The following NCKAP5 variants were observed in gnomAD, a reference collection of about 807,000 sequenced individuals.
NCKAP5 encodes NCK associated protein 5, also known as nck-associated protein 5.
NCKAP5 carries 92 observed loss-of-function variants against 167.0 expected under a neutral mutation model. That is an observed-to-expected ratio of 0.55 (90% CI 0.47 to 0.66). NCKAP5 has a LOEUF of 0.66. NCKAP5 is among the 30% of genes least tolerant of loss of function. The probability of loss-of-function intolerance (pLI) is 0.00; values close to 1 mark genes in which losing one functional copy is unlikely to be tolerated. For missense variants in NCKAP5, 2,378 were observed against 2,315.0 expected (o/e 1.03, Z -0.56); for synonymous variants, 891 against 877.4 (o/e 1.02, Z -0.27).
At chr2:132,985,182 A>C (rs1346981291) in intron 7 of NCKAP5, among the ~76,000 whole-genome samples, 1 of 152,062 alleles carries the variant, frequency 6.6e-6, no homozygotes, top group East Asian at 1.9e-4. Context: ...TTACTTGGTT[A>C]AGAACTCGGT....
chr2:133,101,025 T>G lies in NCKAP5; in HGVS notation c.341+28953A>C, dbSNP rs570877542. On this transcript the variant is annotated intron_variant, in intron 6 of 19. Transcript: ENST00000409261. ...TGCCTAGGTTTTCTTCTAGGGTTTTTATGGTTTTAGGTCTAACGTTTAAAC... is the reference window on the plus strand; with the variant it reads ...TGCCTAGGTTTTCTTCTAGGGTTTTGATGGTTTTAGGTCTAACGTTTAAAC... Among the ~76,000 whole-genome samples, 370 of 152,242 alleles carry G rather than the reference T, an allele frequency of 2.4e-3. 1 individual carries two copies. Among genetic ancestry groups the G allele is most frequent in the African/African-American group, 8.8e-3 (365 of 41,506 alleles).
At chr2:132,762,529 G>A (rs1681092587) in intron 16 of NCKAP5, among the ~76,000 whole-genome samples, 1 of 152,162 alleles carries the variant, frequency 6.6e-6, no homozygotes, top group African/African-American at 2.4e-5. Context: ...GGAAATGGGT[G>A]GGGAAAGGGC....
intron 3 of NCKAP5, among the ~76,000 whole-genome samples, chr2:133,303,863 C>T (rs548184037): frequency 2.0e-5 from 3 of 152,256 alleles, no homozygotes; most frequent in East Asian, 3.9e-4. Flanking sequence ...TTTCTGCATA[C>T]GAGGCTCATA....
intron 3 of NCKAP5, among the ~76,000 whole-genome samples, chr2:133,495,869 T>C (rs75783239): frequency 3.3e-5 from 5 of 152,224 alleles, no homozygotes; most frequent in African/African-American, 1.2e-4. Context: ...GCCTGCCTCA[T>C]ATAGTGTCAG....
intron 3 of NCKAP5, among the ~76,000 whole-genome samples, chr2:133,450,091 C>T (rs897906701): frequency 2.6e-5 from 4 of 152,254 alleles, no homozygotes; most frequent in South Asian, 2.1e-4. Flanking sequence ...TGAGGCAATA[C>T]AGGCCAAGTT....
rs115279008 is a variant in NCKAP5 at position 132,897,050 on chromosome 2, A to G, written c.580-18134T>C. On this transcript the variant is annotated intron_variant, in intron 8 of 19. Transcript: ENST00000409261. ...TTTATATAGTAATTATCCAGAGATA[A>G]ATAATCATGGAATCATAGTTTGAGG... is the stretch of plus-strand genomic sequence containing the variant. 4.8e-3 allele frequency among the ~76,000 whole-genome samples: 730 copies of G among 152,354 alleles called. 7 individuals carry two copies. The highest frequency in any genetic ancestry group is 0.017 in the African/African-American group (705 of 41,576).
chr2:133,252,642 A>AT, intron 4 of NCKAP5, among the ~76,000 whole-genome samples: 1 of 152,044 alleles, frequency 6.6e-6, no homozygotes. Context: ...GTGCCCTAAG[A>AT]TTTTTCTATG....
chr2:132,736,565 T>C (rs897918875), intron 16 of NCKAP5, among the ~76,000 whole-genome samples: 1 of 151,384 alleles, frequency 6.6e-6, no homozygotes, highest in African/African-American at 2.4e-5. Flanking sequence ...CGAATCAGGA[T>C]GTCAAGAGAT....
At chr2:133,552,362 T>C (rs1441789511) in intron 2 of NCKAP5, among the ~76,000 whole-genome samples, 6 of 125,932 alleles carry the variant, frequency 4.8e-5, no homozygotes, top group African/African-American at 1.8e-4. Context: ...CCAACAATGA[T>C]AGACTGGATT....
chr2:133,061,271 T>A (rs537013731), intron 6 of NCKAP5, among the ~76,000 whole-genome samples: 1 of 152,354 alleles, frequency 6.6e-6, no homozygotes, highest in African/African-American at 2.4e-5. Flanking sequence ...GAAGTTCTAC[T>A]GTAGGCAAAA....
At chr2:133,079,469 C>A (rs116269089) in intron 6 of NCKAP5, among the ~76,000 whole-genome samples, 2,796 of 152,238 alleles carry the variant, frequency 0.018, 104 homozygotes, top group African/African-American at 0.061. Context: ...ACCAACTCAG[C>A]AGCAATGTTA....
chr2:133,403,996 C>A (rs561173196), intron 3 of NCKAP5, among the ~76,000 whole-genome samples: 1 of 152,234 alleles, frequency 6.6e-6, no homozygotes, highest in African/African-American at 2.4e-5. Flanking sequence ...AGCTGGGCAG[C>A]CCAGGCTCTG....
At chr2:133,207,780 T>C (rs574852992) in intron 5 of NCKAP5, among the ~76,000 whole-genome samples, 56 of 152,166 alleles carry the variant, frequency 3.7e-4, no homozygotes, top group Admixed American at 3.3e-3. Flanking sequence ...TAAATACCAA[T>C]GCAGTCATAT....
At chr2:133,037,964 TAAC>T (rs2079090471) in intron 6 of NCKAP5, among the ~76,000 whole-genome samples, 1 of 152,076 alleles carries the variant, frequency 6.6e-6, no homozygotes, top group Non-Finnish European at 1.5e-5. Flanking sequence ...AGATAAGTAA[TAAC>T]AAACGCTGGT....
chr2:133,262,983 T>C (rs1468864552), intron 4 of NCKAP5, among the ~76,000 whole-genome samples: 2 of 152,302 alleles, frequency 1.3e-5, no homozygotes, highest in South Asian at 4.1e-4. Flanking sequence ...TCTCATGTTT[T>C]ATAGAAAAAT....
the NCKAP5 span, among the ~76,000 whole-genome samples, chr2:133,657,659 T>C: frequency 6.6e-6 from 1 of 152,204 alleles, no homozygotes; most frequent in Non-Finnish European, 1.5e-5. Flanking sequence ...ACTAGCAACC[T>C]TCACCTTGAA....
At chr2:133,020,669 C>T (rs186461612) in intron 6 of NCKAP5, among the ~76,000 whole-genome samples, 11 of 152,180 alleles carry the variant, frequency 7.2e-5, no homozygotes, top group East Asian at 5.8e-4. Context: ...ACTAAAAATC[C>T]GGGAGAATAG....
At chr2:133,150,266 G>C (rs1404660220) in intron 5 of NCKAP5, among the ~76,000 whole-genome samples, 3 of 152,080 alleles carry the variant, frequency 2.0e-5, no homozygotes, top group African/African-American at 7.2e-5. Flanking sequence ...TGTGAACCTA[G>C]TGTATCCATA....
rs980749147 is a variant in NCKAP5 at position 133,170,463 on chromosome 2, G to T, written c.208-40352C>A. Among the ~76,000 whole-genome samples the T allele has an allele frequency of 4.6e-5, 7 of 152,180 alleles. No homozygotes were observed. The East Asian group carries it at 1.3e-3, about 29-fold the overall frequency. On this transcript the variant is annotated intron_variant, in intron 5 of 19. Transcript: ENST00000409261. ...TCATCATCATCCATAGTATACTATGGTTTCTATCATTGTGAGTTCCCAAAG... is the reference window on the plus strand; with the variant it reads ...TCATCATCATCCATAGTATACTATGTTTTCTATCATTGTGAGTTCCCAAAG...
Sources: allele counts gnomAD v4.1 joint callset (sites outside exome capture counted in the v4.1 genomes callset), GRCh38; gene constraint gnomAD v4.1.1; transcripts MANE v1.5; gene names NCBI Gene and HGNC (gene_info 2026-07-23, HGNC 2026-07-21).